Variants in PTK2B observed in about 807,000 individuals in gnomAD.
The protein encoded by PTK2B is protein tyrosine kinase 2 beta.
PTK2B carries 71 observed loss-of-function variants against 142.9 expected under a neutral mutation model. That is an observed-to-expected ratio of 0.50 (90% CI 0.41 to 0.61). PTK2B has a LOEUF of 0.61. PTK2B is among the 20% of genes least tolerant of loss of function. The pLI is 0.00. For synonymous variants in PTK2B, 519 were observed against 503.4 expected (o/e 1.03, Z -0.42); for missense variants, 1,105 against 1,320.4 (o/e 0.84, Z 2.53).
chr8:27,387,390 C>T (rs78813312), intron 1 of PTK2B, among the ~76,000 whole-genome samples: 10 of 152,300 alleles, frequency 6.6e-5, no homozygotes, highest in African/African-American at 2.2e-4. Flanking sequence ...TGTGAAGCTC[C>T]TCTTCCTCTA....
chr8:27,395,411 G>C (rs958435974), intron 1 of PTK2B, among the ~76,000 whole-genome samples: 1 of 152,202 alleles, frequency 6.6e-6, no homozygotes, highest in African/African-American at 2.4e-5. Flanking sequence ...ATTGTGCTGT[G>C]TGAGTATATT....
chr8:27,432,545 G>T (rs902336990), intron 10 of PTK2B, among the ~76,000 whole-genome samples, 184 bp downstream of exon 10: 2 of 152,172 alleles, frequency 1.3e-5, no homozygotes, highest in Non-Finnish European at 2.9e-5. Context: ...ATGATAAATT[G>T]TAGGAAAATT....
intron 15 of PTK2B, among the ~76,000 whole-genome samples, chr8:27,436,564 G>A (rs988133033): frequency 2.0e-5 from 3 of 152,082 alleles, no homozygotes; most frequent in Admixed American, 1.3e-4. Flanking sequence ...AAAATACCAG[G>A]GGTGGAGATA....
upstream of PTK2B, chr8:27,310,833 G>C: frequency 6.2e-7 from 1 of 1,607,202 alleles, no homozygotes; most frequent in Non-Finnish European, 8.5e-7. Context: ...TTCACCGGCT[G>C]CACGCGGTGC....
chr8:27,373,594 A>G (rs1027080773), intron 1 of PTK2B, among the ~76,000 whole-genome samples: 2 of 152,142 alleles, frequency 1.3e-5, no homozygotes, highest in African/African-American at 4.8e-5. Flanking sequence ...AGGCAGGAGA[A>G]TCACTTGAGG....
chr8:27,408,340 A>G (rs1466894237), intron 2 of PTK2B, among the ~76,000 whole-genome samples: 3 of 152,260 alleles, frequency 2.0e-5, no homozygotes. Flanking sequence ...CCCTGCACCC[A>G]GCAGGAAGGA....
intron 1 of PTK2B, among the ~76,000 whole-genome samples, chr8:27,350,911 G>A (rs544240764): frequency 7.2e-6 from 1 of 138,774 alleles, no homozygotes; most frequent in African/African-American, 2.7e-5. Flanking sequence ...GGGAGGCAAA[G>A]GTTGCAGTGA....
chr8:27,447,090 T>G (rs1019768912), intron 24 of PTK2B, among the ~76,000 whole-genome samples: 2 of 152,250 alleles, frequency 1.3e-5, no homozygotes, highest in Non-Finnish European at 2.9e-5. Context: ...TTGTGTTATT[T>G]TAGAAAGAAG....
chr8:27,443,354 C>G (rs1377087652), intron 22 of PTK2B, among the ~76,000 whole-genome samples: 1 of 152,210 alleles, frequency 6.6e-6, no homozygotes, highest in Non-Finnish European at 1.5e-5. Context: ...ACCCTGAGCT[C>G]AGGAGCCAGG....
At chr8:27,319,643 C>CAAAAAA (rs35156739) in intron 3 of PTK2B, among the ~76,000 whole-genome samples, 8 of 89,232 alleles carry the variant, frequency 9.0e-5, no homozygotes, top group Admixed American at 1.5e-4. Flanking sequence ...GACTCTGTCT[C>CAAAAAA]AAAAAAAAAA....
intron 1 of PTK2B, among the ~76,000 whole-genome samples, chr8:27,371,979 G>A (rs985188055): frequency 3.9e-5 from 6 of 152,162 alleles, no homozygotes; most frequent in Non-Finnish European, 7.3e-5. Flanking sequence ...GCTTGAGCTA[G>A]GGACACTCAT....
At chr8:27,311,287 C>G (rs1228830632), upstream of PTK2B, 5 of 1,449,704 alleles carry the variant, frequency 3.4e-6, no homozygotes, top group South Asian at 1.4e-5. Flanking sequence ...GCCCCTCCCA[C>G]CCGCCCGGCT....
At chr8:27,453,999 C>G in intron 28 of PTK2B, 155 bp from the exon 29 acceptor site, 1 of 1,008,882 alleles carries the variant, frequency 9.9e-7, no homozygotes. Flanking sequence ...TGGACAGAGG[C>G]AATGCACCCC....
At chr8:27,351,366 C>T (rs1192338265) in intron 1 of PTK2B, among the ~76,000 whole-genome samples, 2 of 151,854 alleles carry the variant, frequency 1.3e-5, no homozygotes, top group African/African-American at 4.8e-5. Flanking sequence ...AGAAAATGGT[C>T]TCCAAGATGT....
chr8:27,448,196 G>T (rs1811587628), intron 24 of PTK2B, among the ~76,000 whole-genome samples: 1 of 152,250 alleles, frequency 6.6e-6, no homozygotes, highest in Non-Finnish European at 1.5e-5. Context: ...TGAGTGGTGG[G>T]AAACCACAGG....
upstream of PTK2B, chr8:27,310,962 AGC>A (rs1376043337): frequency 6.2e-7 from 1 of 1,612,388 alleles, no homozygotes; most frequent in African/African-American, 1.3e-5. Flanking sequence ...TAGCTGGTCC[AGC>A]GCGCGCCCTC....
rs1015329553 is a variant in PTK2B at position 27,451,312 on chromosome 8, C to T, written c.2524-173C>T. ...GTCTGTGGCCCTCCCCAGGGCCCCTCGGCCTCCCAGAAAGGTCACATTGGG... is the reference window on the plus strand; with the variant it reads ...GTCTGTGGCCCTCCCCAGGGCCCCTTGGCCTCCCAGAAAGGTCACATTGGG... On this transcript the variant is annotated intron_variant, in intron 26 of 30. Transcript: ENST00000346049. Among the ~76,000 whole-genome samples, 18 of 152,168 alleles carry T rather than the reference C, an allele frequency of 1.2e-4. No homozygotes were observed. The East Asian group carries it at 2.5e-3, about 21-fold the overall frequency.
chr8:27,450,027 T>C (rs1196656131), intron 24 of PTK2B, among the ~76,000 whole-genome samples: 1 of 152,260 alleles, frequency 6.6e-6, no homozygotes, highest in Non-Finnish European at 1.5e-5. Flanking sequence ...TCTATAGAGC[T>C]GTATTTCATG....
chr8:27,373,463 CA>C (rs1297662640), intron 1 of PTK2B, among the ~76,000 whole-genome samples: 5 of 152,140 alleles, frequency 3.3e-5, no homozygotes, highest in South Asian at 2.1e-4. Flanking sequence ...CTTGGGCAAG[CA>C]GCTAGGAGAG....
Sources: gnomAD v4.1 joint callset for allele counts (sites outside exome capture counted in the v4.1 genomes callset) on GRCh38, gnomAD v4.1.1 for gene constraint, MANE v1.5 for transcripts, NCBI Gene and HGNC (gene_info 2026-07-23, HGNC 2026-07-21) for gene names.